The following PRKCI variants were observed in gnomAD, a reference collection of about 807,000 sequenced individuals.
PRKCI encodes the protein protein kinase C iota, also known as protein kinase C iota type.
A neutral mutation model predicts 84.0 loss-of-function variants in PRKCI; 43 were observed. That is an observed-to-expected ratio of 0.51 (90% confidence interval 0.40 to 0.66). The LOEUF is 0.66. Among genes scored for constraint, PRKCI ranks in the 30% least tolerant of loss-of-function variants. The pLI, the probability that PRKCI is intolerant of heterozygous loss-of-function variation, is 0.00. For missense variants in PRKCI, 459 were observed against 745.6 expected, an observed-to-expected ratio of 0.62 and a Z score of 4.48; for synonymous variants, 216 against 234.4, an observed-to-expected ratio of 0.92 and a Z score of 0.72.
Position 170,293,480 on chromosome 3 carries a change from C to G in PRKCI, c.1389C>G (p.Asp463Glu), listed in dbSNP as rs1341870333. The G allele has an allele frequency of 2.5e-6, 4 of 1,613,668 alleles. No individual in the cohort carries two copies. Among genetic ancestry groups the G allele is most frequent in the South Asian group, 2.2e-5 (2 of 91,036 alleles). Residue 463 changes from aspartate to glutamate, a missense_variant, in exon 14 of 18, where the codon GAC becomes GAG. Physicochemically the swap from Asp to Glu is conservative, Grantham distance 45. Coordinates refer to ENST00000295797, the MANE Select transcript of PRKCI (RefSeq NM_002740.6). ...FDIVGSSDNP[D>E]QNTEDYLFQV... Reference sequence around the variant, plus strand: ...TTGTTGGGAGCTCCGATAACCCTGACCAGAACACAGAGGATTATCTCTTCC... The same window carrying G: ...TTGTTGGGAGCTCCGATAACCCTGAGCAGAACACAGAGGATTATCTCTTCC...
intron 2 of PRKCI, among the ~76,000 whole-genome samples, chr3:170,247,353 G>A (rs1733311118): frequency 6.6e-6 from 1 of 151,824 alleles, no homozygotes. Context: ...ACTGCAGCTA[G>A]CCTTAAACCA....
chr3:170,249,400 GGA>G lies in PRKCI; in HGVS notation c.224-10555_224-10554del, dbSNP rs763028580. Reference sequence around the variant, plus strand: ...TTTACGACAGAGAGAGAGAGAGAAAGGAGAGAGAGAGAGAGTGCGTGTGTGCG... The same window carrying G: ...TTTACGACAGAGAGAGAGAGAGAAAGGAGAGAGAGAGAGTGCGTGTGTGCG... On this transcript the variant is annotated intron_variant, in intron 2 of 17. Coordinates refer to ENST00000295797, the MANE Select transcript of PRKCI (RefSeq NM_002740.6). Among the ~76,000 whole-genome samples, 17 of 151,430 alleles carry G rather than the reference GGA, an allele frequency of 1.1e-4. No homozygotes were observed. The South Asian group carries it at 2.3e-3, about 20-fold the overall frequency.
chr3:170,281,096 T>C (rs1734231575), intron 9 of PRKCI, 70 bp from the exon 10 acceptor site: 1 of 1,318,644 alleles, frequency 7.6e-7, no homozygotes, highest in Non-Finnish European at 1.1e-6. Flanking sequence ...GACCATTGAA[T>C]TGCTCAGAGC....
Position 170,233,837 on chromosome 3 carries a change from C to T in PRKCI, c.102-1393C>T, listed in dbSNP as rs535899544. Among the ~76,000 whole-genome samples, 184 of 152,122 alleles carry T rather than the reference C, an allele frequency of 1.2e-3. 1 individual carries two copies. Among genetic ancestry groups the T allele is most frequent in the African/African-American group, 4.0e-3 (164 of 41,490 alleles). On this transcript the variant is annotated intron_variant, in intron 1 of 17. Coordinates refer to ENST00000295797, the MANE Select transcript of PRKCI (RefSeq NM_002740.6). The stretch of plus-strand genomic sequence containing the variant: ...CTGGGTTCAAGCGGTTATCCTGCCT[C>T]AGCCTCCCAGGTAGCTGGGATTATA...
chr3:170,267,388 AG>A (rs1177695381), intron 4 of PRKCI, among the ~76,000 whole-genome samples: 1 of 152,078 alleles, frequency 6.6e-6, no homozygotes, highest in Non-Finnish European at 1.5e-5. Flanking sequence ...GAAAAGCAGT[AG>A]TAGGCCGGGC....
chr3:170,276,052 G>C (rs969648537), intron 8 of PRKCI, among the ~76,000 whole-genome samples: 3 of 150,360 alleles, frequency 2.0e-5, no homozygotes, highest in Non-Finnish European at 4.4e-5. Flanking sequence ...TCCCACCTTA[G>C]CCTCCCGAGT....
chr3:170,259,183 G>A (rs1214821685), intron 2 of PRKCI, among the ~76,000 whole-genome samples: 1 of 152,074 alleles, frequency 6.6e-6, no homozygotes, highest in Admixed American at 6.5e-5. Flanking sequence ...AATAGATTCT[G>A]TTTGCTGTAT....
chr3:170,305,369 T>C lies in PRKCI; in HGVS notation c.*2242T>C, dbSNP rs1271508353. The C allele has an allele frequency of 6.6e-6, 1 of 152,608 alleles. No individual in the cohort carries two copies. Among genetic ancestry groups the C allele is most frequent in the African/African-American group, 2.4e-5 (1 of 41,440 alleles). 9.5% of individuals were successfully genotyped at this position (152,608 alleles called of 1,614,324 possible). On this transcript the variant is annotated 3_prime_UTR_variant, in exon 18 of 18. Transcript: ENST00000295797. ...TTAGAGTATTCATGATAAAACATTT[T>C]GAGAAGGGGTAAGCAGTGAGTTATT...
At chr3:170,234,960 A>G (rs1732930592) in intron 1 of PRKCI, among the ~76,000 whole-genome samples, 1 of 150,664 alleles carries the variant, frequency 6.6e-6, no homozygotes, top group Non-Finnish European at 1.5e-5. Context: ...TTGTATTTTT[A>G]GTAGAGACGG....
Position 170,290,177 on chromosome 3 carries a change from A to T in PRKCI, c.1204-1677A>T, listed in dbSNP as rs79722684. On this transcript the variant is annotated intron_variant, in intron 12 of 17. Transcript: ENST00000295797. ...GAAAGTGGTTAAGTTCTAGGTACAT[A>T]TGTTCTGTTGAATTTCATATAGTTG... Among the ~76,000 whole-genome samples, 601 of 152,134 alleles carry T rather than the reference A, an allele frequency of 4.0e-3. 4 individuals are homozygous for T. The highest frequency in any genetic ancestry group is 0.014 in the African/African-American group (571 of 41,498).
chr3:170,281,455 C>A (rs1734244881), intron 10 of PRKCI, 192 bp downstream of exon 10: 1 of 541,808 alleles, frequency 1.8e-6, no homozygotes, highest in East Asian at 3.0e-5. Flanking sequence ...TAGGAAATGA[C>A]CTACTTTAGG....
intron 10 of PRKCI, chr3:170,281,538 T>C (rs1322801113): frequency 2.4e-6 from 1 of 409,244 alleles, no homozygotes; most frequent in Non-Finnish European, 4.3e-6. Flanking sequence ...AGTATTCTAG[T>C]TTTATGACTT....
chr3:170,276,471 A>ATT (rs200368741), intron 8 of PRKCI, among the ~76,000 whole-genome samples: 135 of 135,130 alleles, frequency 1.0e-3, no homozygotes, highest in African/African-American at 3.3e-3. Flanking sequence ...TTTTCTTTTT[A>ATT]TTTTTTTTGT....
chr3:170,252,572 T>C (rs1420708303), intron 2 of PRKCI, among the ~76,000 whole-genome samples: 1 of 152,006 alleles, frequency 6.6e-6, no homozygotes, highest in Non-Finnish European at 1.5e-5. Context: ...TATCAAGTAC[T>C]AGATCTTTTT....
At chr3:170,292,524 T>C (rs1734578003) in intron 13 of PRKCI, among the ~76,000 whole-genome samples, 1 of 152,182 alleles carries the variant, frequency 6.6e-6, no homozygotes. Flanking sequence ...AAGGACAATG[T>C]GGTACTTGTG....
intron 1 of PRKCI, among the ~76,000 whole-genome samples, chr3:170,234,093 G>C (rs1441776409): frequency 7.6e-6 from 1 of 131,554 alleles, no homozygotes; most frequent in Non-Finnish European, 1.5e-5. Flanking sequence ...GAGTGCAATG[G>C]TGTGATTGGT....
intron 12 of PRKCI, among the ~76,000 whole-genome samples, chr3:170,290,059 C>T (rs1225267854): frequency 2.7e-5 from 4 of 149,142 alleles, no homozygotes; most frequent in Admixed American, 1.3e-4. Flanking sequence ...GATGACAGAG[C>T]GAAACTCGGT....
In PRKCI at chr3:170,268,028, A is replaced by C; in HGVS notation, c.450+28A>C. The C allele has an allele frequency of 2.6e-6, 4 of 1,544,686 alleles. No homozygotes were observed. The South Asian group carries it at 4.6e-5, about 18-fold the overall frequency. The stretch of plus-strand genomic sequence containing the variant: ...AAACATAGTTTGTTGAATGTCGATA[A>C]TGTGAAACAGCTATTTTTTCCCTTT... On this transcript the variant is annotated intron_variant, in intron 5 of 17. Coordinates refer to ENST00000295797, the MANE Select transcript of PRKCI (RefSeq NM_002740.6).
chr3:170,240,608 G>T (rs1466788333), intron 2 of PRKCI, among the ~76,000 whole-genome samples: 1 of 152,116 alleles, frequency 6.6e-6, no homozygotes, highest in Non-Finnish European at 1.5e-5. Flanking sequence ...GTTTTCAGTT[G>T]TAATTTTGTC....
Sources: allele counts gnomAD v4.1 joint callset (sites outside exome capture counted in the v4.1 genomes callset), GRCh38; gene constraint gnomAD v4.1.1; transcripts MANE v1.5; gene names NCBI Gene and HGNC (gene_info 2026-07-23, HGNC 2026-07-21).